The following IL36B variants were observed in gnomAD, a reference collection of about 807,000 sequenced individuals.
IL36B encodes the protein interleukin-36 beta.
In IL36B, 23 loss-of-function variants were observed where a neutral mutation model predicts 19.3. The observed-to-expected ratio is 1.19, with a 90% CI of 0.86 to 1.69. The LOEUF is 1.69. Among genes scored for constraint, IL36B ranks in the 40% most tolerant of loss-of-function variants. The pLI is 0.00. For missense variants in IL36B, 217 were observed against 200.5 expected (o/e 1.08, Z -0.50); for synonymous variants, 59 against 59.7 (o/e 0.99, Z 0.05).
rs902325973 is a variant in IL36B at position 113,029,027 on chromosome 2, T to C, written c.173A>G (p.Lys58Arg). 1.2e-6 allele frequency: 2 copies of C among 1,613,296 alleles called. No homozygotes were observed. The highest frequency in any genetic ancestry group is 1.7e-6 in the Non-Finnish European group (2 of 1,179,364). The change falls in exon 4 of 6, where the codon AAG becomes AGG. Residue 58 changes from lysine (K) to arginine (R), a missense_variant. Lys to Arg is a conservative substitution (Grantham distance 26, BLOSUM62 2). Coordinates refer to ENST00000259213, the MANE Select transcript of IL36B (RefSeq NM_014438.5). ...GATTCCCAGGTAAACCATATTACCC[T>C]TTTCCTTGTCACTGAATTCTGTGTC...
chr2:113,045,798 G>T (rs1553462740), intron 1 of IL36B, among the ~76,000 whole-genome samples: 1 of 152,124 alleles, frequency 6.6e-6, no homozygotes, highest in Non-Finnish European at 1.5e-5. Context: ...ACATCTTGGA[G>T]TTTGACTTGA....
chr2:113,043,431 T>C (rs979021862), intron 1 of IL36B, among the ~76,000 whole-genome samples: 2 of 152,246 alleles, frequency 1.3e-5, no homozygotes, highest in Non-Finnish European at 2.9e-5. Flanking sequence ...TGATTTATGA[T>C]CAATTTTGAA....
chr2:113,039,785 G>A (rs536561174), intron 1 of IL36B, among the ~76,000 whole-genome samples: 4 of 152,310 alleles, frequency 2.6e-5, no homozygotes, highest in South Asian at 2.1e-4. Flanking sequence ...AGAAAGGCAC[G>A]AGTTTATTTT....
At chr2:113,028,885 G>A (rs1685013537) in intron 4 of IL36B, 54 bp downstream of exon 4, 4 of 1,499,152 alleles carry the variant, frequency 2.7e-6, no homozygotes, top group African/African-American at 3.4e-5. Flanking sequence ...CATAGTAAAT[G>A]AAATAGAAAG....
At chr2:113,049,566 C>T (rs913355224) in intron 1 of IL36B, among the ~76,000 whole-genome samples, 5 of 152,066 alleles carry the variant, frequency 3.3e-5, no homozygotes, top group Non-Finnish European at 5.9e-5. Context: ...ATTAGGAAAG[C>T]GTAAATCAAA....
rs184090150 is a variant in IL36B, at chr2:113,046,402, T to G, written c.-58+6415A>C. Among the ~76,000 whole-genome samples the G allele has an allele frequency of 7.2e-3, 1,102 of 152,082 alleles. 20 individuals are homozygous for G. The highest frequency in any genetic ancestry group is 0.049 in the East Asian group (251 of 5,162). ...TTTTTTGTATTTTTAGTAGAGACGGTGTTTCACCATGTTAGCCAGTATGGT... is the reference window on the plus strand; with the variant it reads ...TTTTTTGTATTTTTAGTAGAGACGGGGTTTCACCATGTTAGCCAGTATGGT... On this transcript the variant is annotated intron_variant, in intron 1 of 5. Coordinates refer to ENST00000259213, the MANE Select transcript of IL36B (RefSeq NM_014438.5).
At chr2:113,049,652 G>A (rs1198475451) in intron 1 of IL36B, among the ~76,000 whole-genome samples, 1 of 152,136 alleles carries the variant, frequency 6.6e-6, no homozygotes, top group East Asian at 1.9e-4. Context: ...AACAAGTGTT[G>A]ATGAGAATGT....
chr2:113,052,456 C>A (rs1037769232), intron 1 of IL36B, among the ~76,000 whole-genome samples: 2 of 152,146 alleles, frequency 1.3e-5, no homozygotes, highest in African/African-American at 2.4e-5. Context: ...AGTTTTGTGA[C>A]CTTAGGTGAC....
At chr2:113,031,440 C>A (rs2305148) in intron 2 of IL36B, among the ~76,000 whole-genome samples, 19,227 of 151,836 alleles carry the variant, frequency 0.13, 1,360 homozygotes, top group East Asian at 0.25. Context: ...GTAAAAAAAA[C>A]CCCATAATAT....
intron 1 of IL36B, among the ~76,000 whole-genome samples, chr2:113,036,354 CT>C (rs367626558): frequency 0.14 from 18,270 of 134,668 alleles, 1,170 homozygotes; most frequent in East Asian, 0.26. Context: ...AAACACCTTG[CT>C]TTTTTTTTTT....
At chr2:113,030,932 T>A in intron 3 of IL36B, 116 bp downstream of exon 3, 1 of 710,950 alleles carries the variant, frequency 1.4e-6, no homozygotes, top group Non-Finnish European at 2.5e-6. Flanking sequence ...CTGTGGCTGT[T>A]GGGCTGGTGC....
At chr2:113,050,084 G>A (rs1411592012) in intron 1 of IL36B, among the ~76,000 whole-genome samples, 2 of 152,210 alleles carry the variant, frequency 1.3e-5, no homozygotes, top group Non-Finnish European at 2.9e-5. Context: ...TTATCCATAT[G>A]ATCCAGGAGT....
intron 1 of IL36B, among the ~76,000 whole-genome samples, chr2:113,047,057 T>C (rs952952572): frequency 6.6e-6 from 1 of 152,256 alleles, no homozygotes; most frequent in African/African-American, 2.4e-5. Context: ...TTTTATGTTT[T>C]AAATTATAAT....
chr2:113,035,377 CAA>C (rs1365088134), intron 1 of IL36B, among the ~76,000 whole-genome samples: 1 of 152,128 alleles, frequency 6.6e-6, no homozygotes, highest in Non-Finnish European at 1.5e-5. Context: ...CCTCCCTCTG[CAA>C]ACCCAAAGCC....
chr2:113,025,946 G>A (rs1684950263), intron 5 of IL36B, among the ~76,000 whole-genome samples: 1 of 152,182 alleles, frequency 6.6e-6, no homozygotes, highest in East Asian at 1.9e-4. Context: ...ATTGAAACAG[G>A]GAAGTGAGAG....
At chr2:113,024,947 C>T (rs1684929823) in intron 5 of IL36B, among the ~76,000 whole-genome samples, 1 of 152,192 alleles carries the variant, frequency 6.6e-6, no homozygotes, top group Non-Finnish European at 1.5e-5. Context: ...TTAGTCATGA[C>T]CTTGTCAGAG....
At chr2:113,042,287 C>T (rs1685271655) in intron 1 of IL36B, among the ~76,000 whole-genome samples, 1 of 152,104 alleles carries the variant, frequency 6.6e-6, no homozygotes, top group Non-Finnish European at 1.5e-5. Context: ...TAGCTATATC[C>T]CTTAATCCTG....
chr2:113,034,402 C>T (rs995814575), intron 1 of IL36B, among the ~76,000 whole-genome samples: 1 of 152,244 alleles, frequency 6.6e-6, no homozygotes, highest in Non-Finnish European at 1.5e-5. Context: ...GAGTCCCTCA[C>T]CCATGTCCTA....
chr2:113,030,768 G>A (rs78363740), intron 3 of IL36B, among the ~76,000 whole-genome samples: 2,189 of 152,304 alleles, frequency 0.014, 29 homozygotes, highest in East Asian at 0.046. Context: ...AAACTCCAAG[G>A]AGAAGGTTAG....
Sources: gnomAD v4.1 joint callset for allele counts (sites outside exome capture counted in the v4.1 genomes callset) on GRCh38, gnomAD v4.1.1 for gene constraint, MANE v1.5 for transcripts, NCBI Gene and HGNC (gene_info 2026-07-23, HGNC 2026-07-21) for gene names.